The following ARIH1 variants were observed in gnomAD, a reference collection of about 807,000 sequenced individuals.
The protein encoded by ARIH1 is E3 ubiquitin-protein ligase ARIH1.
Under a neutral mutation model 85.0 loss-of-function variants are expected in ARIH1, and 8 were observed. That is an observed-to-expected ratio of 0.09 (90% CI 0.06 to 0.17). The LOEUF (loss-of-function observed/expected upper bound fraction) is 0.17. Ranked by LOEUF, ARIH1 falls within the 10% of genes least tolerant of loss-of-function variation. ARIH1 has a pLI of 1.00. For synonymous variants in ARIH1, 238 were observed against 253.6 expected, an observed-to-expected ratio of 0.94 and a Z score of 0.59; for missense variants, 311 against 718.1, an observed-to-expected ratio of 0.43 and a Z score of 6.48.
At chr15:72,557,981 A>G (rs2140430412) in intron 5 of ARIH1, among the ~76,000 whole-genome samples, 1 of 152,304 alleles carries the variant, frequency 6.6e-6, no homozygotes, top group South Asian at 2.1e-4. Flanking sequence ...TAGAATCATC[A>G]TCAGTGAAGA....
chr15:72,528,580 A>G (rs2064040476), intron 2 of ARIH1, among the ~76,000 whole-genome samples: 1 of 152,242 alleles, frequency 6.6e-6, no homozygotes, highest in African/African-American at 2.4e-5. Flanking sequence ...ACGGCCGGGC[A>G]CAGTGGCTCA....
chr15:72,581,059 A>C (rs968127712), intron 12 of ARIH1, 68 bp downstream of exon 12: 1 of 1,499,896 alleles, frequency 6.7e-7, no homozygotes, highest in African/African-American at 1.4e-5. Context: ...TTTCATATAT[A>C]AGATACAGAG....
intron 2 of ARIH1, among the ~76,000 whole-genome samples, chr15:72,534,970 T>TTTTTTTTTTTTTTTTTTTTTA (rs1567349493): frequency 8.7e-6 from 1 of 114,620 alleles, no homozygotes. Flanking sequence ...TTTTTTTTTT[T>TTTTTTTTTTTTTTTTTTTTTA]GAGACGGAGT....
intron 3 of ARIH1, among the ~76,000 whole-genome samples, chr15:72,547,592 A>AAT (rs1320844995): frequency 6.6e-6 from 1 of 152,160 alleles, no homozygotes; most frequent in Non-Finnish European, 1.5e-5. Context: ...TTCCAACCTG[A>AAT]GTATTGTATC....
chr15:72,498,362 A>G (rs2063888605), intron 1 of ARIH1, among the ~76,000 whole-genome samples: 1 of 152,182 alleles, frequency 6.6e-6, no homozygotes, highest in Admixed American at 6.5e-5. Context: ...TAAAAATTGT[A>G]TGGTATTTTC....
At chr15:72,579,658 G>A (rs2064287571) in intron 11 of ARIH1, among the ~76,000 whole-genome samples, 1 of 152,112 alleles carries the variant, frequency 6.6e-6, no homozygotes, top group South Asian at 2.1e-4. Context: ...ATTTTAAGTA[G>A]TCAGGTGTGG....
intron 3 of ARIH1, among the ~76,000 whole-genome samples, chr15:72,553,150 C>T (rs981398667): frequency 4.0e-5 from 6 of 151,654 alleles, no homozygotes; most frequent in African/African-American, 1.5e-4. Flanking sequence ...GTCTATTTAA[C>T]TTACTCAATT....
At chr15:72,500,897 A>G (rs901652006) in intron 1 of ARIH1, among the ~76,000 whole-genome samples, 12 of 152,234 alleles carry the variant, frequency 7.9e-5, no homozygotes, top group Admixed American at 3.3e-4. Context: ...ATGTATGTAT[A>G]TTAAATAAAA....
At chr15:72,526,404 C>T (rs558002291) in intron 2 of ARIH1, among the ~76,000 whole-genome samples, 2 of 152,048 alleles carry the variant, frequency 1.3e-5, no homozygotes, top group Non-Finnish European at 2.9e-5. Context: ...TTTATACTGA[C>T]CCTAAAAATG....
At chr15:72,565,854 A>G (rs2064217663) in intron 7 of ARIH1, among the ~76,000 whole-genome samples, 1 of 152,196 alleles carries the variant, frequency 6.6e-6, no homozygotes, top group South Asian at 2.1e-4. Context: ...ATTTAAATCA[A>G]TAGTAGTTTG....
intron 1 of ARIH1, among the ~76,000 whole-genome samples, chr15:72,499,167 G>A (rs1300113063): frequency 6.6e-6 from 1 of 151,436 alleles, no homozygotes; most frequent in Non-Finnish European, 1.5e-5. Flanking sequence ...GTAGAGACGG[G>A]GTTTCACCAT....
chr15:72,501,342 A>C (rs2063902501), intron 1 of ARIH1, among the ~76,000 whole-genome samples: 1 of 152,226 alleles, frequency 6.6e-6, no homozygotes, highest in African/African-American at 2.4e-5. Context: ...TATGGTTTTC[A>C]AATAATCTTA....
intron 7 of ARIH1, 187 bp from the exon 8 acceptor site, chr15:72,566,376 G>T: frequency 1.7e-6 from 1 of 591,246 alleles, no homozygotes; most frequent in East Asian, 2.9e-5. Flanking sequence ...TACCCACTAT[G>T]TGCTAGTTCT....
intron 2 of ARIH1, among the ~76,000 whole-genome samples, chr15:72,528,987 T>G (rs570501355): frequency 6.6e-6 from 1 of 152,108 alleles, no homozygotes; most frequent in South Asian, 2.1e-4. Flanking sequence ...GATCATGAGG[T>G]CAGGAGATCG....
intron 2 of ARIH1, among the ~76,000 whole-genome samples, chr15:72,540,475 CAG>C (rs747358208): frequency 5.9e-5 from 9 of 152,084 alleles, no homozygotes; most frequent in Middle Eastern, 3.4e-3. Context: ...ATTGTGGAGT[CAG>C]GGGTGAATGG....
chr15:72,558,402 A>C (rs2064183816), intron 5 of ARIH1, among the ~76,000 whole-genome samples: 1 of 152,178 alleles, frequency 6.6e-6, no homozygotes, highest in African/African-American at 2.4e-5. Flanking sequence ...CCCGGGTTCA[A>C]GCAATTCTCC....
chr15:72,571,129 CAAAAAAAAAAAA>C (rs56376097), intron 10 of ARIH1, among the ~76,000 whole-genome samples: 5 of 61,440 alleles, frequency 8.1e-5, no homozygotes, highest in African/African-American at 2.8e-4. Flanking sequence ...AACTGTGTCT[CAAAAAAAAAAAA>C]AAAAAAAAAA....
chr15:72,528,930 G>T (rs1280365804), intron 2 of ARIH1, among the ~76,000 whole-genome samples: 4 of 152,212 alleles, frequency 2.6e-5, no homozygotes, highest in African/African-American at 9.6e-5. Context: ...GCTGGGTGTG[G>T]TGGCTCATGC....
chr15:72,564,622 G>C (rs2064211373), intron 7 of ARIH1, among the ~76,000 whole-genome samples: 1 of 152,050 alleles, frequency 6.6e-6, no homozygotes, highest in Non-Finnish European at 1.5e-5. Context: ...CTCACTTCTT[G>C]GTACCATTTT....
Sources: allele counts gnomAD v4.1 joint callset (sites outside exome capture counted in the v4.1 genomes callset), GRCh38; gene constraint gnomAD v4.1.1; transcripts MANE v1.5; gene names NCBI Gene and HGNC (gene_info 2026-07-23, HGNC 2026-07-21).